Variants in SCAI observed in about 807,000 individuals in gnomAD.
The protein encoded by SCAI is protein SCAI.
Under a neutral mutation model 92.2 loss-of-function variants are expected in SCAI, and 24 were observed. The ratio of observed to expected loss-of-function variants is 0.26; its 90% CI spans 0.19 to 0.37. The LOEUF is 0.37. Ranked by LOEUF, SCAI falls within the 10% of genes least tolerant of loss-of-function variation. SCAI has a pLI of 1.00. For missense variants in SCAI, 450 were observed against 736.2 expected (o/e 0.61, Z 4.50); for synonymous variants, 261 against 258.6 (o/e 1.01, Z -0.09).
chr9:125,138,236 C>A (rs750850875), intron 2 of SCAI, among the ~76,000 whole-genome samples: 1 of 148,446 alleles, frequency 6.7e-6, no homozygotes, highest in South Asian at 2.1e-4. Flanking sequence ...TTGGGGAAGT[C>A]GAACTATTAT....
Position 124,971,862 on chromosome 9 carries a change from T to TTA in SCAI, c.1400-20_1400-19dup, listed in dbSNP as rs141374269. 19 of 1,534,900 alleles carry TTA rather than the reference T, an allele frequency of 1.2e-5. No homozygotes were observed. Among genetic ancestry groups the TTA allele is most frequent in the Non-Finnish European group, 5.3e-6 (6 of 1,140,122 alleles). Reference sequence around the variant, plus strand: ...AGATTGATCTGTAATAACAAACATGTTATATATATAGACAATAGTTTTGCA... The same window carrying TTA: ...AGATTGATCTGTAATAACAAACATGTTATATATATATAGACAATAGTTTTGCA... On this transcript the variant is annotated intron_variant, in intron 15 of 17. Coordinates refer to ENST00000336505, the MANE Select transcript of SCAI (RefSeq NM_001144877.3).
At chr9:125,124,906 A>G (rs1317886071) in intron 2 of SCAI, among the ~76,000 whole-genome samples, 1 of 152,234 alleles carries the variant, frequency 6.6e-6, no homozygotes, top group Non-Finnish European at 1.5e-5. Flanking sequence ...CCCTTCCCTT[A>G]ACAAGGCAAA....
chr9:125,083,192 G>T (rs1266982083), intron 2 of SCAI, among the ~76,000 whole-genome samples: 2 of 152,116 alleles, frequency 1.3e-5, no homozygotes, highest in East Asian at 3.9e-4. Context: ...CCCTGCACAA[G>T]CTCACTCTTT....
At chr9:125,000,200 T>C (rs1054182973) in intron 12 of SCAI, among the ~76,000 whole-genome samples, 1 of 152,206 alleles carries the variant, frequency 6.6e-6, no homozygotes, top group African/African-American at 2.4e-5. Context: ...AAACATTTAA[T>C]TATTCAGCAG....
intron 13 of SCAI, among the ~76,000 whole-genome samples, chr9:124,997,391 CA>C (rs1205301770): frequency 1.3e-5 from 2 of 152,108 alleles, no homozygotes; most frequent in African/African-American, 4.8e-5. Context: ...ACAAATATTC[CA>C]AAATCTGGAA....
At chr9:124,982,702 A>AG (rs1831911489) in intron 14 of SCAI, among the ~76,000 whole-genome samples, 1 of 144,534 alleles carries the variant, frequency 6.9e-6, no homozygotes, top group Non-Finnish European at 1.5e-5. Flanking sequence ...AAAAAAAAAA[A>AG]TTATTGGTAA....
intron 2 of SCAI, among the ~76,000 whole-genome samples, chr9:125,081,808 A>G (rs1834223995): frequency 6.6e-6 from 1 of 152,062 alleles, no homozygotes; most frequent in African/African-American, 2.4e-5. Flanking sequence ...GGCTCAGGCA[A>G]TCCGCCCACC....
chr9:124,985,474 T>TAAG (rs1344704623), intron 14 of SCAI, among the ~76,000 whole-genome samples: 1 of 152,082 alleles, frequency 6.6e-6, no homozygotes, highest in Non-Finnish European at 1.5e-5. Context: ...AAGTAATTTT[T>TAAG]AAGAAGAAGA....
At chr9:125,023,549 A>C (rs1832909870) in intron 6 of SCAI, among the ~76,000 whole-genome samples, 1 of 152,202 alleles carries the variant, frequency 6.6e-6, no homozygotes, top group Admixed American at 6.5e-5. Flanking sequence ...TGTATCATGG[A>C]TTATACAACC....
chr9:125,012,204 A>G (rs1190913889), intron 9 of SCAI, among the ~76,000 whole-genome samples: 1 of 152,176 alleles, frequency 6.6e-6, no homozygotes, highest in African/African-American at 2.4e-5. Context: ...ATGTAAATGG[A>G]CTAAATGCTC....
At chr9:125,082,739 G>A (rs1430719738) in intron 2 of SCAI, among the ~76,000 whole-genome samples, 1 of 152,250 alleles carries the variant, frequency 6.6e-6, no homozygotes, top group Non-Finnish European at 1.5e-5. Context: ...TGCCCTGCTG[G>A]ATTTTGGACT....
chr9:124,996,748 G>T (rs1832247373), intron 13 of SCAI, among the ~76,000 whole-genome samples: 1 of 151,986 alleles, frequency 6.6e-6, no homozygotes, highest in African/African-American at 2.4e-5. Context: ...TCCTGCCTCA[G>T]CCTCCCAAGT....
At chr9:124,979,350 A>G (rs1362341225) in intron 14 of SCAI, among the ~76,000 whole-genome samples, 1 of 151,314 alleles carries the variant, frequency 6.6e-6, no homozygotes, top group Non-Finnish European at 1.5e-5. Context: ...GACCGACCTG[A>G]CCAACATGGT....
intron 12 of SCAI, among the ~76,000 whole-genome samples, chr9:125,000,496 TA>T (rs112791942): frequency 0.18 from 27,503 of 151,870 alleles, 2,616 homozygotes; most frequent in East Asian, 0.24. Flanking sequence ...AAAAAAATTT[TA>T]AAAATTAGCC....
intron 3 of SCAI, among the ~76,000 whole-genome samples, chr9:125,040,679 T>G (rs1833301705): frequency 6.6e-6 from 1 of 152,110 alleles, no homozygotes; most frequent in African/African-American, 2.4e-5. Flanking sequence ...CAGGTTGGAG[T>G]GCAGTGGCAC....
At chr9:125,119,635 TCCAGTTATC>T (rs1471690275) in intron 2 of SCAI, among the ~76,000 whole-genome samples, 1 of 152,226 alleles carries the variant, frequency 6.6e-6, no homozygotes, top group Non-Finnish European at 1.5e-5. Flanking sequence ...GGAATGCTAA[TCCAGTTATC>T]CCCTGCTACA....
chr9:125,104,193 T>A (rs1045356616), intron 2 of SCAI, among the ~76,000 whole-genome samples: 4 of 152,182 alleles, frequency 2.6e-5, no homozygotes, highest in Non-Finnish European at 4.4e-5. Context: ...ACAGAATCAT[T>A]CCAGTCCAAA....
intron 2 of SCAI, among the ~76,000 whole-genome samples, chr9:125,099,334 C>T (rs552033829): frequency 5.3e-4 from 80 of 151,052 alleles, no homozygotes; most frequent in African/African-American, 1.9e-3. Flanking sequence ...ATTGCCCAGG[C>T]TGGAATGCAG....
rs946379170 is a variant in SCAI, at chr9:124,944,692, A to G, written c.*8115T>C. 6.6e-6 allele frequency: 1 copy of G among 152,150 alleles called. No homozygotes were observed. Among genetic ancestry groups the G allele is most frequent in the Non-Finnish European group, 1.5e-5 (1 of 68,036 alleles). 9.4% of individuals were successfully genotyped at this position (152,150 alleles called of 1,614,324 possible). On this transcript the variant is annotated 3_prime_UTR_variant, in exon 18 of 18. Coordinates refer to ENST00000336505, the MANE Select transcript of SCAI (RefSeq NM_001144877.3). ...GTGGAAATAAGCTTTTTAAAAATAC[A>G]GTGGTTATCCCTCTATGGTTTGGAA... is the stretch of plus-strand genomic sequence containing the variant.
Sources: gnomAD v4.1 joint callset for allele counts (sites outside exome capture counted in the v4.1 genomes callset) on GRCh38, gnomAD v4.1.1 for gene constraint, MANE v1.5 for transcripts, NCBI Gene and HGNC (gene_info 2026-07-23, HGNC 2026-07-21) for gene names.